SPAST: variants seen among roughly 807,000 people sequenced by gnomAD.
SPAST encodes spastic paraplegia 4 (autosomal dominant; spastin).
A neutral mutation model predicts 76.6 loss-of-function variants in SPAST; 30 were observed. The observed-to-expected ratio is 0.39, with a 90% CI of 0.29 to 0.53. The LOEUF is 0.53. Ranked by LOEUF, SPAST falls within the 20% of genes least tolerant of loss-of-function variation. The pLI, the probability that SPAST is intolerant of heterozygous loss-of-function variation, is 0.68. For synonymous variants in SPAST, 305 were observed against 281.0 expected (o/e 1.09, Z -0.86); for missense variants, 717 against 770.5 (o/e 0.93, Z 0.82).
Position 32,079,541 on chromosome 2 carries a change from T to C in SPAST, c.416-7951T>C, listed in dbSNP as rs561550452. Among the ~76,000 whole-genome samples, 5 of 151,352 alleles carry C rather than the reference T, an allele frequency of 3.3e-5. No homozygotes were observed. The East Asian group carries it at 7.8e-4, about 23-fold the overall frequency. ...TATTTTTTCGTTTTTTTCCAACTCA[T>C]GTACACCCGCCACCCCACCCCTGCT... On this transcript the variant is annotated intron_variant, in intron 1 of 16. Coordinates refer to ENST00000315285, the MANE Select transcript of SPAST (RefSeq NM_014946.4).
At chr2:32,077,727 T>C (rs542217844) in intron 1 of SPAST, 1 of 152,310 alleles carries the variant, frequency 6.6e-6, no homozygotes, top group East Asian at 1.9e-4. Context: ...CTCACTAATA[T>C]TTGAAAGAAA....
At chr2:32,120,545 C>G (rs1038387050) in intron 7 of SPAST, among the ~76,000 whole-genome samples, 4 of 150,918 alleles carry the variant, frequency 2.7e-5, no homozygotes, top group African/African-American at 9.7e-5. Context: ...CATGGCCAAA[C>G]CAATCTAAAA....
intron 1 of SPAST, among the ~76,000 whole-genome samples, chr2:32,080,714 C>T (rs1677185489): frequency 6.7e-6 from 1 of 150,180 alleles, no homozygotes; most frequent in Non-Finnish European, 1.5e-5. Flanking sequence ...TGTAGTTTGC[C>T]AACCCCTACA....
intron 12 of SPAST, 60 bp downstream of exon 12, chr2:32,137,248 C>A: frequency 8.2e-7 from 1 of 1,216,236 alleles, no homozygotes; most frequent in Non-Finnish European, 1.2e-6. Context: ...CTCATGTGTC[C>A]ATCTTACATA....
chr2:32,105,204 A>G (rs546823609), intron 4 of SPAST, among the ~76,000 whole-genome samples: 2 of 151,848 alleles, frequency 1.3e-5, no homozygotes, highest in South Asian at 4.2e-4. Flanking sequence ...CATTCATTTG[A>G]TCTTCAATCA....
At chr2:32,079,616 A>G (rs1434431360) in intron 1 of SPAST, among the ~76,000 whole-genome samples, 1 of 111,522 alleles carries the variant, frequency 9.0e-6, no homozygotes, top group Non-Finnish European at 1.8e-5. Context: ...GCTAGAGTGC[A>G]GTAGCACAAT....
intron 4 of SPAST, among the ~76,000 whole-genome samples, chr2:32,111,435 T>G (rs141612153): frequency 0.011 from 1,588 of 146,644 alleles, 23 homozygotes; most frequent in Non-Finnish European, 0.013. Context: ...AGAGTATATA[T>G]ATAGTATACT....
rs375850129 is a variant in SPAST, at chr2:32,089,218, T to TTTTTTTTTTTTTTTTTTTTC, written c.503-304_503-303insTTTTTTTTTTTTTTTTTTTC. On this transcript the variant is annotated intron_variant, in intron 2 of 16. Transcript: ENST00000315285. ...CGGCTAATTTTTTTTTTTTTTTTTTTAAGTAGAGACCAGATCTCTTTATGT... is the reference window on the plus strand; with the variant it reads ...CGGCTAATTTTTTTTTTTTTTTTTTTTTTTTTTTTTTTTTTTTTTCAAGTAGAGACCAGATCTCTTTATGT... Among the ~76,000 whole-genome samples, 51 of 129,988 alleles carry TTTTTTTTTTTTTTTTTTTTC rather than the reference T, an allele frequency of 3.9e-4. 2 individuals are homozygous for TTTTTTTTTTTTTTTTTTTTC. The South Asian group carries it at 4.1e-3, about 10-fold the overall frequency. The allele number at this position is 129,988 out of a possible 152,430, so 85.3% of individuals were successfully genotyped here.
Position 32,155,763 on chromosome 2 carries a change from T to C in SPAST, c.*1267T>C, listed in dbSNP as rs1177519173. The C allele has an allele frequency of 6.6e-6, 1 of 152,536 alleles. No homozygotes were observed. The highest frequency in any genetic ancestry group is 1.5e-5 in the Non-Finnish European group (1 of 68,010). 9.4% of individuals were successfully genotyped at this position (152,536 alleles called of 1,614,324 possible). A position where few individuals can be genotyped will look rare whatever the true frequency, so the allele number is the denominator to read the frequency against. On this transcript the variant is annotated 3_prime_UTR_variant, in exon 17 of 17. Transcript: ENST00000315285. Reference sequence around the variant, plus strand: ...AAATATTGTAATAAAGGCAAATAGATATTTGCCCTTAGTTTACTGGTTAAA... The same window carrying C: ...AAATATTGTAATAAAGGCAAATAGACATTTGCCCTTAGTTTACTGGTTAAA...
chr2:32,101,779 G>A (rs1310599567), intron 4 of SPAST, among the ~76,000 whole-genome samples: 4 of 152,126 alleles, frequency 2.6e-5, no homozygotes, highest in African/African-American at 7.2e-5. Context: ...AAGATCACAT[G>A]GTTGTAGATG....
intron 6 of SPAST, 42 bp downstream of exon 6, chr2:32,115,877 A>G: frequency 6.8e-7 from 1 of 1,464,094 alleles, no homozygotes; most frequent in South Asian, 1.2e-5. Context: ...TAGTTTTTAT[A>G]TTTTAATTTT....
intron 1 of SPAST, among the ~76,000 whole-genome samples, chr2:32,083,750 C>CTATATATA (rs869090344): frequency 9.5e-5 from 6 of 62,850 alleles, no homozygotes; most frequent in South Asian, 6.5e-4. Context: ...TTTATATATA[C>CTATATATA]TATATATATA....
chr2:32,109,071 C>G (rs1353888260), intron 4 of SPAST, among the ~76,000 whole-genome samples: 1 of 149,894 alleles, frequency 6.7e-6, no homozygotes, highest in South Asian at 2.1e-4. Flanking sequence ...TGTTGGTATA[C>G]TTTAAATGGA....
In SPAST at chr2:32,091,709, C is replaced by T. The variant is rs537883547; in HGVS notation, c.586+2104C>T. 9.2e-5 allele frequency among the ~76,000 whole-genome samples: 14 copies of T among 151,990 alleles called. No homozygotes were observed. In the South Asian group the frequency reaches 2.7e-3, roughly 29 times the overall value. The stretch of plus-strand genomic sequence containing the variant: ...ACTAGCCAGGTGTGGTGGCGGGCAC[C>T]TGTAGTCCCAGCTACTTGGGAGGCT... On this transcript the variant is annotated intron_variant, in intron 3 of 16. Coordinates refer to ENST00000315285, the MANE Select transcript of SPAST (RefSeq NM_014946.4).
intron 5 of SPAST, among the ~76,000 whole-genome samples, chr2:32,115,046 T>A (rs968295410): frequency 9.9e-5 from 15 of 151,536 alleles, no homozygotes; most frequent in Non-Finnish European, 2.1e-4. Context: ...CCTCCCAGGT[T>A]CAAGCGATTC....
At chr2:32,142,993 TGG>T (rs1174099729) in intron 13 of SPAST, among the ~76,000 whole-genome samples, 2 of 152,154 alleles carry the variant, frequency 1.3e-5, no homozygotes, top group South Asian at 4.1e-4. Context: ...TATCCAGGTG[TGG>T]TGTCTCACGC....
At chr2:32,124,558 T>G (rs1199059622) in intron 7 of SPAST, among the ~76,000 whole-genome samples, 2 of 152,148 alleles carry the variant, frequency 1.3e-5, no homozygotes, top group East Asian at 3.8e-4. Context: ...CCAAATAAGT[T>G]TAAAATGTAC....
chr2:32,100,795 C>A (rs1172540894), intron 4 of SPAST, among the ~76,000 whole-genome samples: 1 of 152,090 alleles, frequency 6.6e-6, no homozygotes, highest in Non-Finnish European at 1.5e-5. Context: ...TGAACTCATC[C>A]TTTTTGATGG....
intron 3 of SPAST, among the ~76,000 whole-genome samples, chr2:32,094,663 C>T (rs1294581433): frequency 6.6e-6 from 1 of 152,152 alleles, no homozygotes; most frequent in South Asian, 2.1e-4. Context: ...AAATGGGGAG[C>T]AGTTACAAAG....
Sources: allele counts gnomAD v4.1 joint callset (sites outside exome capture counted in the v4.1 genomes callset), GRCh38; gene constraint gnomAD v4.1.1; transcripts MANE v1.5; gene names NCBI Gene and HGNC (gene_info 2026-07-23, HGNC 2026-07-21).